SUCLG2: variants seen among roughly 807,000 people sequenced by gnomAD.
SUCLG2 encodes succinate--CoA ligase [GDP-forming] subunit beta, mitochondrial.
A neutral mutation model predicts 47.9 loss-of-function variants in SUCLG2; 42 were observed. That is an observed-to-expected ratio of 0.88 (90% CI 0.69 to 1.14). The LOEUF is 1.14. Ranked by LOEUF, SUCLG2 falls within the 50% of genes most tolerant of loss-of-function variation. SUCLG2 has a pLI of 0.00. For synonymous variants in SUCLG2, 195 were observed against 197.3 expected (o/e 0.99, Z 0.10); for missense variants, 571 against 525.9 (o/e 1.09, Z -0.84).
intron 9 of SUCLG2, among the ~76,000 whole-genome samples, chr3:67,456,577 G>T (rs1704192179): frequency 6.6e-6 from 1 of 152,140 alleles, no homozygotes; most frequent in South Asian, 2.1e-4. Flanking sequence ...TCAAACAAGG[G>T]TATGGTAATT....
At chr3:67,482,093 T>C (rs529347390) in intron 9 of SUCLG2, among the ~76,000 whole-genome samples, 2 of 152,184 alleles carry the variant, frequency 1.3e-5, no homozygotes, top group African/African-American at 4.8e-5. Context: ...GGCAGGAGAA[T>C]CCCTCGAACC....
chr3:67,654,540 AG>A lies in SUCLG2; in HGVS notation c.46del (p.Leu16Ter). On this transcript the variant is annotated frameshift_variant, in exon 1 of 11. Coordinates refer to ENST00000307227, the MANE Select transcript of SUCLG2 (RefSeq NM_003848.4). LOFTEE classifies it high-confidence loss of function. The part of the protein sequence containing the change: ...AAQAGKLLRA[L>X]ALRPRFLAAG... The stretch of plus-strand genomic sequence containing the variant: ...CGCCAGGAAGCGGGGCCGCAGCGCT[AG>A]GGCTCGCAGAAGCTTCCCGGCCTGC... 7.9e-7 allele frequency: 1 copy of A among 1,264,448 alleles called. No individual in the cohort carries two copies. 78.3% of individuals were successfully genotyped at this position (1,264,448 alleles called of 1,614,324 possible).
intron 1 of SUCLG2, among the ~76,000 whole-genome samples, chr3:67,634,139 T>A (rs1700970175): frequency 6.6e-6 from 1 of 152,240 alleles, no homozygotes; most frequent in Admixed American, 6.5e-5. Flanking sequence ...CACATGATCC[T>A]GCATCGTCTA....
intron 2 of SUCLG2, among the ~76,000 whole-genome samples, chr3:67,580,849 C>A (rs985598590): frequency 6.6e-6 from 1 of 152,030 alleles, no homozygotes; most frequent in African/African-American, 2.4e-5. Flanking sequence ...CAATAAATGT[C>A]AAATTAAATT....
At position 67,528,123 on chromosome 3, in the gene SUCLG2, C is replaced by T. The variant is rs372833641; in HGVS notation, c.417+9G>A. 2 of 1,610,014 alleles carry T rather than the reference C, an allele frequency of 1.2e-6. No homozygotes were observed. Among genetic ancestry groups the T allele is most frequent in the African/African-American group, 2.7e-5 (2 of 74,764 alleles). On this transcript the variant is annotated intron_variant, in intron 4 of 10. Coordinates refer to ENST00000307227, the MANE Select transcript of SUCLG2 (RefSeq NM_003848.4). ...ATATATAGAAAATGACCCAAAGTAT[C>T]CATATTACCTTGTTAACTTTCACAC...
At chr3:67,483,940 T>G (rs967958956) in intron 9 of SUCLG2, among the ~76,000 whole-genome samples, 5 of 152,226 alleles carry the variant, frequency 3.3e-5, no homozygotes, top group African/African-American at 1.2e-4. Flanking sequence ...AGAACCAAGC[T>G]TTGGCTTACA....
rs1476864766 is a variant in SUCLG2 at position 67,457,205 on chromosome 3, T to A, written c.1062+38593A>T. ...TGCTAATGGTTAAGACCTGTGCCTC[T>A]GAGTTTGTAGACTCTAGTATGGTTC... On this transcript the variant is annotated intron_variant, in intron 9 of 10. Transcript: ENST00000307227. Among the ~76,000 whole-genome samples, 4 of 152,218 alleles carry A rather than the reference T, an allele frequency of 2.6e-5. No homozygotes were observed. In the East Asian group the frequency reaches 7.7e-4, roughly 29 times the overall value.
At chr3:67,437,595 T>C (rs1297687592) in intron 9 of SUCLG2, among the ~76,000 whole-genome samples, 1 of 152,134 alleles carries the variant, frequency 6.6e-6, no homozygotes, top group Admixed American at 6.5e-5. Flanking sequence ...AGTCTTTAAC[T>C]TTTTTGGCTG....
chr3:67,477,523 C>T (rs775147636), intron 9 of SUCLG2, among the ~76,000 whole-genome samples: 85 of 152,196 alleles, frequency 5.6e-4, no homozygotes, highest in Middle Eastern at 6.8e-3. Context: ...GGCAAAACCC[C>T]GTCTCTATTA....
chr3:67,546,767 G>A (rs146811243), intron 2 of SUCLG2, among the ~76,000 whole-genome samples: 185 of 149,444 alleles, frequency 1.2e-3, no homozygotes, highest in African/African-American at 4.3e-3. Context: ...TGAGCATGGT[G>A]GCAGGTGCCT....
chr3:67,485,627 T>C (rs1705030761), intron 9 of SUCLG2, among the ~76,000 whole-genome samples: 2 of 152,174 alleles, frequency 1.3e-5, no homozygotes, highest in African/African-American at 2.4e-5. Context: ...AGTGGTTGTA[T>C]TACAGGAATA....
chr3:67,382,515 C>T (rs1336942622), intron 10 of SUCLG2, among the ~76,000 whole-genome samples: 1 of 152,160 alleles, frequency 6.6e-6, no homozygotes, highest in Non-Finnish European at 1.5e-5. Flanking sequence ...CTGGCAAGTT[C>T]TAGTTTTTGG....
intron 10 of SUCLG2, 65 bp from the exon 11 acceptor site, chr3:67,375,924 A>T: frequency 6.4e-7 from 1 of 1,565,202 alleles, no homozygotes; most frequent in South Asian, 1.2e-5. Flanking sequence ...AAGTTTGCAC[A>T]AGGACACACA....
intron 9 of SUCLG2, among the ~76,000 whole-genome samples, chr3:67,472,514 A>G (rs925814009): frequency 2.0e-5 from 3 of 152,212 alleles, no homozygotes; most frequent in Admixed American, 2.0e-4. Flanking sequence ...ATTTTTACCC[A>G]ACTGTCACTA....
intron 1 of SUCLG2, among the ~76,000 whole-genome samples, chr3:67,634,286 T>C (rs1204806500): frequency 6.6e-6 from 1 of 152,010 alleles, no homozygotes; most frequent in Non-Finnish European, 1.5e-5. Flanking sequence ...CTATCAAGAG[T>C]CTGTAGGACT....
intron 2 of SUCLG2, among the ~76,000 whole-genome samples, chr3:67,605,231 C>A (rs1441188113): frequency 1.3e-5 from 2 of 152,168 alleles, no homozygotes; most frequent in African/African-American, 4.8e-5. Flanking sequence ...ATCTTAACCT[C>A]AAATCTATTT....
chr3:67,402,617 A>G lies in SUCLG2; in HGVS notation c.1063-1766T>C, dbSNP rs533557875. 1.1e-4 allele frequency among the ~76,000 whole-genome samples: 16 copies of G among 152,350 alleles called. No individual in the cohort carries two copies. In the South Asian group the frequency reaches 2.7e-3, roughly 26 times the overall value. ...AGGATGGAGAGGAACTTGCCAGAAC[A>G]ATAGAAGAAAAACATTCAAGAGCAA... is the stretch of plus-strand genomic sequence containing the variant. On this transcript the variant is annotated intron_variant, in intron 9 of 10. Coordinates refer to ENST00000307227, the MANE Select transcript of SUCLG2 (RefSeq NM_003848.4).
At chr3:67,430,364 A>G (rs1167087525) in intron 9 of SUCLG2, among the ~76,000 whole-genome samples, 1 of 152,178 alleles carries the variant, frequency 6.6e-6, no homozygotes, top group Non-Finnish European at 1.5e-5. Flanking sequence ...GGTACATAAC[A>G]AAATGAAGGC....
At chr3:67,390,001 G>C (rs919824063) in intron 10 of SUCLG2, among the ~76,000 whole-genome samples, 12 of 152,144 alleles carry the variant, frequency 7.9e-5, no homozygotes, top group Non-Finnish European at 1.6e-4. Flanking sequence ...AATGAGATGT[G>C]ATGGAAAAAT....
Sources: allele counts gnomAD v4.1 joint callset (sites outside exome capture counted in the v4.1 genomes callset), GRCh38; gene constraint gnomAD v4.1.1; transcripts MANE v1.5; gene names NCBI Gene and HGNC (gene_info 2026-07-23, HGNC 2026-07-21).